Variants in AUTS2 observed in about 807,000 individuals in gnomAD.
AUTS2 encodes the protein autism susceptibility gene 2 protein.
In AUTS2, 17 loss-of-function variants were observed where a neutral mutation model predicts 112.4. The ratio of observed to expected loss-of-function variants is 0.15; its 90% CI spans 0.10 to 0.23. The LOEUF is 0.23. Among genes scored for constraint, AUTS2 ranks in the 10% least tolerant of loss-of-function variants. The pLI is 1.00. For missense variants in AUTS2, 1,510 were observed against 1,701.6 expected (o/e 0.89, Z 1.98); for synonymous variants, 751 against 702.7 (o/e 1.07, Z -1.09).
At chr7:70,646,011 A>G (rs1344974725) in intron 5 of AUTS2, among the ~76,000 whole-genome samples, 3 of 152,180 alleles carry the variant, frequency 2.0e-5, no homozygotes, top group Non-Finnish European at 4.4e-5. Context: ...GTCATGCTTT[A>G]GCGAGGCGAT....
chr7:69,713,926 T>C (rs906123737), intron 1 of AUTS2, among the ~76,000 whole-genome samples: 4 of 152,222 alleles, frequency 2.6e-5, no homozygotes, highest in Non-Finnish European at 4.4e-5. Context: ...TGTTCTTTTA[T>C]GGAGTATGCT....
At chr7:70,284,165 T>C (rs1788353362) in intron 4 of AUTS2, among the ~76,000 whole-genome samples, 1 of 152,202 alleles carries the variant, frequency 6.6e-6, no homozygotes. Flanking sequence ...ATTATGGCGA[T>C]TTTTCCACAT....
intron 2 of AUTS2, among the ~76,000 whole-genome samples, chr7:70,029,702 A>G (rs1465279368): frequency 6.6e-6 from 1 of 152,224 alleles, no homozygotes; most frequent in Non-Finnish European, 1.5e-5. Context: ...ATATTTAGAA[A>G]AAAACAACTA....
intron 5 of AUTS2, among the ~76,000 whole-genome samples, chr7:70,586,493 G>A (rs1802696283): frequency 6.6e-6 from 1 of 152,150 alleles, no homozygotes; most frequent in Non-Finnish European, 1.5e-5. Context: ...AGGAAGGGAA[G>A]GATTCTATTT....
intron 1 of AUTS2, among the ~76,000 whole-genome samples, chr7:69,643,840 A>G (rs1794905132): frequency 6.6e-6 from 1 of 152,176 alleles, no homozygotes; most frequent in Non-Finnish European, 1.5e-5. Context: ...GCTACCAGAG[A>G]GGCTGAGGTG....
chr7:69,888,540 G>GATATATATATATATATATATATATAT (rs60804022), intron 1 of AUTS2, among the ~76,000 whole-genome samples: 3 of 99,256 alleles, frequency 3.0e-5, no homozygotes. Flanking sequence ...CAACATTGGG[G>GATATATATATATATATATATATATAT]ATATATATAT....
At chr7:69,825,955 A>C (rs1392889105) in intron 1 of AUTS2, 1 of 152,228 alleles carries the variant, frequency 6.6e-6, no homozygotes, top group African/African-American at 2.4e-5. Context: ...TCTGCACTCC[A>C]ACTGGAAACA....
rs370841730 is a variant in AUTS2, at chr7:70,214,869, T to G, written c.660+80298T>G. Among the ~76,000 whole-genome samples, 10 of 152,354 alleles carry G rather than the reference T, an allele frequency of 6.6e-5. No homozygotes were observed. In the East Asian group the frequency reaches 1.7e-3, roughly 26 times the overall value. On this transcript the variant is annotated intron_variant, in intron 4 of 18. Coordinates refer to ENST00000342771, the MANE Select transcript of AUTS2 (RefSeq NM_015570.4). The stretch of plus-strand genomic sequence containing the variant: ...ACTCTAGTGTAGCATTCAAATTACT[T>G]TTCTTGTAGCTTATTTTTTGAATCA...
intron 5 of AUTS2, among the ~76,000 whole-genome samples, chr7:70,450,488 A>G (rs1450222344): frequency 6.6e-6 from 1 of 152,248 alleles, no homozygotes; most frequent in East Asian, 1.9e-4. Flanking sequence ...AAGGCTTAGC[A>G]TGTGGAGAGA....
At position 70,694,505 on chromosome 7, in the gene AUTS2, T is replaced by TCCTCCCTCTCCCTCCTC; in HGVS notation, c.691-4055_691-4039dup. ...AAGCCGCCGCGCGCCCTCCTCCTCC[T>TCCTCCCTCTCCCTCCTC]CCTCCCTCTCCCTCCTCCCTCCCTC... On this transcript the variant is annotated intron_variant, in intron 5 of 18. Transcript: ENST00000342771. This position sits in a 1 kb window ranked among gnomAD's most constrained non-coding sequence, Gnocchi z 4.1. 2.0e-5 allele frequency: 3 copies of TCCTCCCTCTCCCTCCTC among 147,400 alleles called. No homozygotes were observed. Among genetic ancestry groups the TCCTCCCTCTCCCTCCTC allele is most frequent in the Non-Finnish European group, 3.0e-5 (2 of 66,674 alleles). 9.1% of individuals were successfully genotyped at this position (147,400 alleles called of 1,614,324 possible).
At chr7:69,870,678 A>G (rs1183219570) in intron 1 of AUTS2, among the ~76,000 whole-genome samples, 1 of 151,920 alleles carries the variant, frequency 6.6e-6, no homozygotes, top group Non-Finnish European at 1.5e-5. Flanking sequence ...CTTAATCAGG[A>G]CAGACTGTAT....
At chr7:69,779,824 A>AT (rs1299801407) in intron 1 of AUTS2, among the ~76,000 whole-genome samples, 1 of 151,556 alleles carries the variant, frequency 6.6e-6, no homozygotes, top group Non-Finnish European at 1.5e-5. Context: ...CTCAGTGTGT[A>AT]TACTAGTCAT....
intron 1 of AUTS2, among the ~76,000 whole-genome samples, chr7:69,727,607 AAAT>A (rs772061339): frequency 6.6e-6 from 1 of 152,100 alleles, no homozygotes; most frequent in Non-Finnish European, 1.5e-5. Context: ...AAAATAAAAA[AAAT>A]AAAAAATCAG....
At chr7:70,588,260 G>C (rs565825776) in intron 5 of AUTS2, among the ~76,000 whole-genome samples, 12 of 152,304 alleles carry the variant, frequency 7.9e-5, no homozygotes, top group African/African-American at 2.9e-4. Flanking sequence ...TTCTCAGCAG[G>C]ACCTGGCCCA....
intron 5 of AUTS2, among the ~76,000 whole-genome samples, chr7:70,496,086 A>G (rs1798477012): frequency 7.1e-6 from 1 of 140,758 alleles, no homozygotes; most frequent in Admixed American, 7.3e-5. Flanking sequence ...GACACCACAT[A>G]CACAGTCAGA....
intron 1 of AUTS2, among the ~76,000 whole-genome samples, chr7:69,845,647 G>A (rs1018066515): frequency 2.0e-5 from 3 of 152,126 alleles, no homozygotes; most frequent in Non-Finnish European, 4.4e-5. Context: ...TCATAGCAGG[G>A]AGGGGAGTGT....
intron 1 of AUTS2, among the ~76,000 whole-genome samples, chr7:69,764,107 A>G (rs961830363): frequency 6.6e-6 from 1 of 152,232 alleles, no homozygotes; most frequent in Non-Finnish European, 1.5e-5. Context: ...TCTACTGGGT[A>G]GCCTGATAAG....
At chr7:69,673,075 A>G (rs752684719) in intron 1 of AUTS2, among the ~76,000 whole-genome samples, 11 of 152,180 alleles carry the variant, frequency 7.2e-5, no homozygotes, top group Non-Finnish European at 1.6e-4. Flanking sequence ...AAATGCTTTC[A>G]TTAGATAATT....
chr7:70,427,609 T>C (rs913729495), intron 4 of AUTS2, among the ~76,000 whole-genome samples: 16 of 152,360 alleles, frequency 1.1e-4, no homozygotes, highest in African/African-American at 3.6e-4. Context: ...TATTAGAATT[T>C]AATTTATGAG....
Sources: allele counts gnomAD v4.1 joint callset (sites outside exome capture counted in the v4.1 genomes callset), GRCh38; gene constraint gnomAD v4.1.1; non-coding constraint Gnocchi (gnomAD v3.1); transcripts MANE v1.5; gene names NCBI Gene and HGNC (gene_info 2026-07-23, HGNC 2026-07-21).